The following CDK14 variants were observed in gnomAD, a reference collection of about 807,000 sequenced individuals.
CDK14 encodes cyclin dependent kinase 14.
Under a neutral mutation model 60.7 loss-of-function variants are expected in CDK14, and 34 were observed. The ratio of observed to expected loss-of-function variants is 0.56; its 90% confidence interval spans 0.43 to 0.75. CDK14 has a LOEUF of 0.75. Among genes scored for constraint, CDK14 ranks in the 30% least tolerant of loss-of-function variants. CDK14 has a pLI of 0.00. For synonymous variants in CDK14, 197 were observed against 203.7 expected, an observed-to-expected ratio of 0.97 and a Z score of 0.28; for missense variants, 482 against 564.1, an observed-to-expected ratio of 0.85 and a Z score of 1.47.
At chr7:90,703,940 G>A (rs1011685023) in intron 2 of CDK14, among the ~76,000 whole-genome samples, 1 of 152,084 alleles carries the variant, frequency 6.6e-6, no homozygotes, top group African/African-American at 2.4e-5. Flanking sequence ...ACAAAAATTA[G>A]CTGGGCATGG....
intron 2 of CDK14, among the ~76,000 whole-genome samples, chr7:90,630,264 A>G (rs1460274141): frequency 6.6e-6 from 1 of 152,144 alleles, no homozygotes; most frequent in Non-Finnish European, 1.5e-5. Flanking sequence ...GACATCATAG[A>G]GTATATTTAC....
chr7:90,791,777 C>A (rs1336358178), intron 5 of CDK14, among the ~76,000 whole-genome samples: 16 of 152,174 alleles, frequency 1.1e-4, no homozygotes, highest in African/African-American at 2.4e-5. Context: ...TTTTACCCAG[C>A]CTTTTAGCAG....
intron 2 of CDK14, among the ~76,000 whole-genome samples, chr7:90,703,452 C>T (rs1444693772): frequency 6.6e-6 from 1 of 152,108 alleles, no homozygotes; most frequent in African/African-American, 2.4e-5. Context: ...CATGTGAATG[C>T]CCATGCATTT....
chr7:90,695,976 G>A (rs1402414646), intron 2 of CDK14, among the ~76,000 whole-genome samples: 3 of 152,210 alleles, frequency 2.0e-5, no homozygotes, highest in African/African-American at 7.2e-5. Context: ...CCTGCCTGTT[G>A]TGTAGAATGT....
Position 90,733,630 on chromosome 7 carries a change from AC to A in CDK14, c.369+6821del, listed in dbSNP as rs1021940475. On this transcript the variant is annotated intron_variant, in intron 3 of 14. Coordinates refer to ENST00000380050, the MANE Select transcript of CDK14 (RefSeq NM_001287135.2). Reference sequence around the variant, plus strand: ...TTTAAAGCCTGTTTTATCGAGTGCAACCCTTGCTTTTGTTGCTTTCCGTTTG... The same window carrying A: ...TTTAAAGCCTGTTTTATCGAGTGCAACCTTGCTTTTGTTGCTTTCCGTTTG... Among the ~76,000 whole-genome samples the A allele has an allele frequency of 1.5e-4, 23 of 151,702 alleles. 1 individual carries two copies. The highest frequency in any genetic ancestry group is 5.6e-4 in the African/African-American group (23 of 41,378).
intron 11 of CDK14, among the ~76,000 whole-genome samples, chr7:91,077,836 A>T (rs1165204104): frequency 6.6e-6 from 1 of 152,074 alleles, no homozygotes; most frequent in Non-Finnish European, 1.5e-5. Flanking sequence ...TCCAATATTA[A>T]AATTGGTACC....
chr7:90,813,027 C>T lies in CDK14; in HGVS notation c.544+22375C>T, dbSNP rs560900535. Among the ~76,000 whole-genome samples, 16 of 152,284 alleles carry T rather than the reference C, an allele frequency of 1.1e-4. No homozygotes were observed. In the South Asian group the frequency reaches 3.3e-3, roughly 32 times the overall value. ...ATCTGGAAACAAGTTAAATGTCCAT[C>T]AACTGTTGAGTTGATAAATAAAATA... On this transcript the variant is annotated intron_variant, in intron 5 of 14. Coordinates refer to ENST00000380050, the MANE Select transcript of CDK14 (RefSeq NM_001287135.2).
chr7:90,903,549 C>T (rs1244044686), intron 7 of CDK14, among the ~76,000 whole-genome samples: 1 of 152,002 alleles, frequency 6.6e-6, no homozygotes, highest in Non-Finnish European at 1.5e-5. Flanking sequence ...ATGATAGTTA[C>T]CAGAGGCTGG....
intron 14 of CDK14, among the ~76,000 whole-genome samples, chr7:91,127,939 T>C (rs1800003332): frequency 6.6e-6 from 1 of 152,202 alleles, no homozygotes; most frequent in Non-Finnish European, 1.5e-5. Flanking sequence ...AATGAGCTTT[T>C]GTTTAAAGCC....
intron 6 of CDK14, among the ~76,000 whole-genome samples, chr7:90,874,873 C>A (rs1791507206): frequency 6.6e-6 from 1 of 152,086 alleles, no homozygotes; most frequent in Non-Finnish European, 1.5e-5. Flanking sequence ...TATTACGATA[C>A]AATTCATGTA....
intron 12 of CDK14, among the ~76,000 whole-genome samples, chr7:91,101,269 A>T (rs1011854947): frequency 1.2e-4 from 18 of 152,220 alleles, no homozygotes; most frequent in Admixed American, 1.2e-3. Flanking sequence ...CTAAGATGTA[A>T]GTATCAGAAG....
intron 2 of CDK14, among the ~76,000 whole-genome samples, chr7:90,659,129 T>G (rs1259284013): frequency 6.6e-6 from 1 of 152,228 alleles, no homozygotes; most frequent in Non-Finnish European, 1.5e-5. Context: ...TCTTATGTCT[T>G]TCTTCTTACA....
intron 2 of CDK14, among the ~76,000 whole-genome samples, chr7:90,689,937 T>C (rs1372014121): frequency 6.6e-6 from 1 of 151,942 alleles, no homozygotes; most frequent in African/African-American, 2.4e-5. Context: ...TTATTGGGCT[T>C]TGAGAAAATT....
intron 7 of CDK14, among the ~76,000 whole-genome samples, chr7:90,902,801 A>G (rs1011320953): frequency 6.6e-6 from 1 of 152,170 alleles, no homozygotes; most frequent in Non-Finnish European, 1.5e-5. Context: ...GAGCAAAGAT[A>G]CAAGCTGTTG....
intron 12 of CDK14, among the ~76,000 whole-genome samples, chr7:91,081,229 T>G (rs1798474976): frequency 6.6e-6 from 1 of 152,194 alleles, no homozygotes. Flanking sequence ...ATATTATTGA[T>G]TCTTCCTCCA....
At chr7:90,637,902 C>G (rs1321031836) in intron 2 of CDK14, among the ~76,000 whole-genome samples, 2 of 149,708 alleles carry the variant, frequency 1.3e-5, no homozygotes, top group Non-Finnish European at 3.0e-5. Context: ...CCTTCTTTGT[C>G]TCTTTTGATC....
intron 14 of CDK14, among the ~76,000 whole-genome samples, chr7:91,123,121 A>G (rs1215952604): frequency 6.6e-6 from 1 of 152,206 alleles, no homozygotes; most frequent in Non-Finnish European, 1.5e-5. Flanking sequence ...TCTTCATTGT[A>G]TGATATTTTT....
chr7:90,811,877 C>A (rs965308556), intron 5 of CDK14, among the ~76,000 whole-genome samples: 1 of 152,220 alleles, frequency 6.6e-6, no homozygotes, highest in Non-Finnish European at 1.5e-5. Context: ...TGCTCATCAT[C>A]ACTGGCCATC....
At chr7:90,974,232 T>G (rs958173598) in intron 9 of CDK14, among the ~76,000 whole-genome samples, 1 of 152,186 alleles carries the variant, frequency 6.6e-6, no homozygotes, top group East Asian at 1.9e-4. Context: ...TGGTTATCTT[T>G]CCTTGTTCCC....
Sources: allele counts gnomAD v4.1 joint callset (sites outside exome capture counted in the v4.1 genomes callset), GRCh38; gene constraint gnomAD v4.1.1; transcripts MANE v1.5; gene names NCBI Gene and HGNC (gene_info 2026-07-23, HGNC 2026-07-21).